Variants in IDH3A observed in about 807,000 individuals in gnomAD.
IDH3A encodes isocitrate dehydrogenase (NAD(+)) 3 catalytic subunit alpha, also known as isocitrate dehydrogenase [NAD] subunit alpha, mitochondrial.
Under a neutral mutation model 43.3 loss-of-function variants are expected in IDH3A, and 23 were observed. The observed-to-expected ratio is 0.53, with a 90% CI of 0.38 to 0.75. The LOEUF is 0.75. Ranked by LOEUF, IDH3A falls within the 30% of genes least tolerant of loss-of-function variation. The pLI, the probability that IDH3A is intolerant of heterozygous loss-of-function variation, is 0.00. For synonymous variants in IDH3A, 154 were observed against 163.5 expected, an observed-to-expected ratio of 0.94 and a Z score of 0.44; for missense variants, 329 against 474.4, an observed-to-expected ratio of 0.69 and a Z score of 2.85.
At chr15:78,157,724 CA>C (rs1207858199) in intron 3 of IDH3A, 93 bp downstream of exon 3, 2 of 775,558 alleles carry the variant, frequency 2.6e-6, no homozygotes, top group Non-Finnish European at 4.3e-6. Context: ...GCATTGTACC[CA>C]TTTCTATGAA....
At chr15:78,162,097 A>C (rs778810635) in intron 5 of IDH3A, 137 bp from the exon 6 acceptor site, 83 of 822,748 alleles carry the variant, frequency 1.0e-4, no homozygotes, top group Non-Finnish European at 8.0e-5. Flanking sequence ...CCATTGTCGT[A>C]GCAGTGTGTG....
chr15:78,167,970 A>G (rs1460512117), intron 10 of IDH3A: 1 of 152,220 alleles, frequency 6.6e-6, no homozygotes, highest in Non-Finnish European at 1.5e-5. Context: ...TCTACAGCCC[A>G]GTAGAGAGGT....
At chr15:78,149,512 C>A in intron 1 of IDH3A, 82 bp downstream of exon 1, 1 of 1,296,014 alleles carries the variant, frequency 7.7e-7, no homozygotes, top group Non-Finnish European at 1.0e-6. Flanking sequence ...CGGGTGTGGG[C>A]GGGCGCGTGG....
intron 3 of IDH3A, among the ~76,000 whole-genome samples, chr15:78,158,463 A>ATATATAT (rs1212083496): frequency 7.4e-5 from 5 of 67,378 alleles, no homozygotes; most frequent in African/African-American, 2.7e-4. Context: ...ATATATATAT[A>ATATATAT]TTTTTTTTTT....
At chr15:78,168,708 G>T in intron 10 of IDH3A, 1 of 376,484 alleles carries the variant, frequency 2.7e-6, no homozygotes. Flanking sequence ...CTTATTCTTT[G>T]CAGAGTGCTG....
chr15:78,160,733 A>T (rs1180382972), intron 4 of IDH3A, among the ~76,000 whole-genome samples: 1 of 152,150 alleles, frequency 6.6e-6, no homozygotes, highest in Non-Finnish European at 1.5e-5. Context: ...AGCTCAAGCA[A>T]TCCTTCTGCC....
At chr15:78,163,441 CTTTGA>C (rs1327529855) in intron 6 of IDH3A, 61 bp from the exon 7 acceptor site, 1 of 1,151,184 alleles carries the variant, frequency 8.7e-7, no homozygotes, top group Non-Finnish European at 1.3e-6. Context: ...TACTTTACTT[CTTTGA>C]TTTGATTCTT....
chr15:78,162,181 C>T, intron 5 of IDH3A, 53 bp from the exon 6 acceptor site: 1 of 1,606,372 alleles, frequency 6.2e-7, no homozygotes, highest in Non-Finnish European at 8.5e-7. Context: ...CTCTGTCTCC[C>T]ACTGCGTTGC....
intron 8 of IDH3A, 63 bp from the exon 9 acceptor site, chr15:78,164,929 C>A: frequency 7.9e-7 from 1 of 1,268,120 alleles, no homozygotes; most frequent in Non-Finnish European, 1.1e-6. Flanking sequence ...AAACTAAAAT[C>A]TGGGTGCTAG....
chr15:78,161,610 C>T lies in IDH3A; in HGVS notation c.319C>T (p.His107Tyr). ...GPLKTPIAAG[H>Y]PSMNLLLRKT... is the part of the protein sequence containing the mutation. ...TTTGAAGACCCCAATAGCAGCCGGTCACCCATCTATGAATTTACTGCTGCG... is the reference window on the plus strand; with the variant it reads ...TTTGAAGACCCCAATAGCAGCCGGTTACCCATCTATGAATTTACTGCTGCG... Residue 107 changes from histidine to tyrosine, a missense_variant, in exon 5 of 11, where the codon CAC becomes TAC. Coordinates refer to ENST00000299518, the MANE Select transcript of IDH3A (RefSeq NM_005530.3). The surrounding 1 kb of genome is among the most constrained non-coding windows in gnomAD (Gnocchi z 4.8). The T allele has an allele frequency of 6.2e-7, 1 of 1,613,960 alleles. No individual in the cohort carries two copies. Among genetic ancestry groups the T allele is most frequent in the South Asian group, 1.1e-5 (1 of 91,080 alleles).
In IDH3A at chr15:78,155,059, C is replaced by T. The variant is rs1272891870; in HGVS notation, c.28-154C>T. On this transcript the variant is annotated intron_variant, in intron 1 of 10. Transcript: ENST00000299518. ...CTTTCAAATCTGAGATAGCTTGCCA[C>T]ATTGAGCTAATACATGAGATTTGTA... 2.0e-5 allele frequency among the ~76,000 whole-genome samples: 3 copies of T among 152,176 alleles called. No homozygotes were observed. The East Asian group carries it at 5.8e-4, about 29-fold the overall frequency.
At chr15:78,158,800 T>C (rs977783849) in intron 3 of IDH3A, among the ~76,000 whole-genome samples, 1 of 151,802 alleles carries the variant, frequency 6.6e-6, no homozygotes, top group Non-Finnish European at 1.5e-5. Context: ...AACAGCTTTA[T>C]GGAGATATCA....
At chr15:78,159,556 A>C (rs961859602) in intron 3 of IDH3A, among the ~76,000 whole-genome samples, 3 of 152,206 alleles carry the variant, frequency 2.0e-5, no homozygotes. Context: ...TGTGAAAAGA[A>C]ATAAGTGGGC....
rs930084554 is a variant in IDH3A at position 78,171,764 on chromosome 15, T to C, written c.*2759T>C. 4 of 413,604 alleles carry C rather than the reference T, an allele frequency of 9.7e-6. No homozygotes were observed. In the Admixed American group the frequency reaches 1.1e-4, roughly 12 times the overall value. 25.6% of individuals were successfully genotyped at this position (413,604 alleles called of 1,614,324 possible). On this transcript the variant is annotated 3_prime_UTR_variant, in exon 11 of 11. Transcript: ENST00000299518. Reference sequence around the variant, plus strand: ...CAGTGGAGTATAGATGAAGGGTTGGTATGTCACCTCTGAGAATAGGTTATA... The same window carrying C: ...CAGTGGAGTATAGATGAAGGGTTGGCATGTCACCTCTGAGAATAGGTTATA...
rs368666636 is a variant in IDH3A, at chr15:78,166,178, G to A, written c.893G>A (p.Gly298Asp). 2.7e-5 allele frequency: 44 copies of A among 1,614,032 alleles called. No homozygotes were observed. Among genetic ancestry groups the A allele is most frequent in the Middle Eastern group, 1.6e-4 (1 of 6,084 alleles). The change falls in exon 10 of 11, where the codon GGC (glycine) becomes GAC (aspartate). Residue 298 changes from glycine (G) to aspartate (D), a missense_variant. Gly to Asp is a moderately conservative substitution (Grantham distance 94). This residue lies in a region of IDH3A where 91 missense variants were observed against 111.6 expected (regional missense o/e 0.82). Coordinates refer to ENST00000299518, the MANE Select transcript of IDH3A (RefSeq NM_005530.3). ...SVHGTAPDIA[G>D]KDMANPTALL... Reference sequence around the variant, plus strand: ...CATGGGACGGCTCCAGACATTGCAGGCAAGGACATGGCGAATCCCACAGCC... The same window carrying A: ...CATGGGACGGCTCCAGACATTGCAGACAAGGACATGGCGAATCCCACAGCC...
intron 5 of IDH3A, 68 bp from the exon 6 acceptor site, chr15:78,162,166 C>T (rs2074687255): frequency 6.3e-7 from 1 of 1,575,050 alleles, no homozygotes; most frequent in Non-Finnish European, 8.7e-7. Flanking sequence ...TGTCTACTCC[C>T]CACCCTCTGT....
chr15:78,163,810 G>A, intron 8 of IDH3A, 30 bp downstream of exon 8: 1 of 1,447,444 alleles, frequency 6.9e-7, no homozygotes, highest in Non-Finnish European at 9.7e-7. Context: ...ATTTATTTTA[G>A]CCTATGATTT....
rs1177713834 is a variant in IDH3A, at chr15:78,166,247, T to C, written c.962T>C (p.Phe321Ser). ...AVMMLRHMGLFDHAARIEAAC... is the reference protein window; with the variant it reads ...AVMMLRHMGLSDHAARIEAAC... Reference sequence around the variant, plus strand: ...ATGATGCTGCGCCACATGGGACTTTTTGACCATGCTGCAAGAATTGAGGCT... The same window carrying C: ...ATGATGCTGCGCCACATGGGACTTTCTGACCATGCTGCAAGAATTGAGGCT... Residue 321 changes from phenylalanine (F) to serine (S), a missense_variant, in exon 10 of 11, where the codon TTT becomes TCT. By Grantham distance (155) the Phe-to-Ser change is radical (BLOSUM62 -2). Around this residue, in one of 3 missense-constraint regions of IDH3A, gnomAD observed 91 missense variants for 111.6 expected, o/e 0.82. Coordinates refer to ENST00000299518, the MANE Select transcript of IDH3A (RefSeq NM_005530.3). 13 of 1,614,050 alleles carry C rather than the reference T, an allele frequency of 8.1e-6. No homozygotes were observed. Among genetic ancestry groups the C allele is most frequent in the South Asian group, 1.1e-5 (1 of 91,084 alleles).
chr15:78,160,703 A>G (rs2074673325), intron 4 of IDH3A, among the ~76,000 whole-genome samples: 1 of 152,160 alleles, frequency 6.6e-6, no homozygotes, highest in African/African-American at 2.4e-5. Flanking sequence ...TATGTTTCCC[A>G]GGCTGATCTG....
Sources: gnomAD v4.1 joint callset for allele counts (sites outside exome capture counted in the v4.1 genomes callset) on GRCh38, gnomAD v4.1.1 for gene constraint, gnomAD v4.1.1 regional missense constraint, Gnocchi (gnomAD v3.1) non-coding constraint, MANE v1.5 for transcripts, NCBI Gene and HGNC (gene_info 2026-07-23, HGNC 2026-07-21) for gene names.